The following CCDC178 variants were observed in gnomAD, a reference collection of about 807,000 sequenced individuals.
The protein encoded by CCDC178 is coiled-coil domain containing 178, also known as coiled-coil domain-containing protein 178.
CCDC178 carries 126 observed loss-of-function variants against 117.4 expected under a neutral mutation model. That is an observed-to-expected ratio of 1.07 (90% CI 0.93 to 1.24). The LOEUF (loss-of-function observed/expected upper bound fraction) is 1.24. Among genes scored for constraint, CCDC178 ranks in the 50% most tolerant of loss-of-function variants. The pLI is 0.00. For missense variants in CCDC178, 1,030 were observed against 986.9 expected (o/e 1.04, Z -0.59); for synonymous variants, 283 against 313.4 (o/e 0.90, Z 1.02).
intron 2 of CCDC178, among the ~76,000 whole-genome samples, chr18:33,433,556 C>T (rs964028653): frequency 6.6e-6 from 1 of 152,050 alleles, no homozygotes; most frequent in Non-Finnish European, 1.5e-5. Flanking sequence ...TTTACCAGAT[C>T]CCAGTAAGCC....
chr18:33,202,133 G>A (rs1377505826), intron 20 of CCDC178, among the ~76,000 whole-genome samples: 2 of 151,912 alleles, frequency 1.3e-5, no homozygotes, highest in Non-Finnish European at 2.9e-5. Context: ...GGTGGTTCAC[G>A]CCTGTAATCC....
In CCDC178 at chr18:33,240,916, C is replaced by T. The variant is rs145962884; in HGVS notation, c.1593+4329G>A. Among the ~76,000 whole-genome samples the T allele has an allele frequency of 2.9e-4, 44 of 151,612 alleles. No individual in the cohort carries two copies. The East Asian group carries it at 6.8e-3, about 23-fold the overall frequency. The stretch of plus-strand genomic sequence containing the variant: ...AAAACAAAAAATTAAAACTGCAGGC[C>T]AATATGTATGAAAATAGAGGCAATA... On this transcript the variant is annotated intron_variant, in intron 15 of 22. Transcript: ENST00000383096.
chr18:33,026,404 G>C (rs2056230033), intron 21 of CCDC178, among the ~76,000 whole-genome samples: 1 of 151,904 alleles, frequency 6.6e-6, no homozygotes, highest in Non-Finnish European at 1.5e-5. Context: ...CTCTTACATT[G>C]GCATGTGGAA....
At chr18:33,174,768 T>C (rs2058643868) in intron 20 of CCDC178, among the ~76,000 whole-genome samples, 1 of 152,176 alleles carries the variant, frequency 6.6e-6, no homozygotes, top group African/African-American at 2.4e-5. Flanking sequence ...CCTATCTTTA[T>C]TATATCCCAA....
At chr18:32,957,869 T>A (rs992174515) in intron 22 of CCDC178, 4 of 162,838 alleles carry the variant, frequency 2.5e-5, no homozygotes, top group African/African-American at 9.5e-5. Flanking sequence ...TTGGAGCAAG[T>A]CTTCAGGTCT....
At chr18:33,424,028 T>G (rs915932222) in intron 2 of CCDC178, among the ~76,000 whole-genome samples, 3 of 152,218 alleles carry the variant, frequency 2.0e-5, no homozygotes, top group African/African-American at 7.2e-5. Flanking sequence ...TTCTTTCATA[T>G]TCTCATGAAA....
rs1238073968 is a variant in CCDC178, at chr18:33,269,490, T to C, written c.1177-2193A>G. On this transcript the variant is annotated intron_variant, in intron 12 of 22. Coordinates refer to ENST00000383096, the MANE Select transcript of CCDC178 (RefSeq NM_001105528.4). The stretch of plus-strand genomic sequence containing the variant: ...CTATGAAAGCAGGAAACAACAACAA[T>C]AACAAAAACTACGGCAACGTTGGCA... Among the ~76,000 whole-genome samples, 4 of 151,800 alleles carry C rather than the reference T, an allele frequency of 2.6e-5. No individual in the cohort carries two copies. The South Asian group carries it at 8.3e-4, about 31-fold the overall frequency.
intron 22 of CCDC178, 32 bp from the exon 23 acceptor site, chr18:32,938,123 T>A (rs757706544): frequency 7.2e-7 from 1 of 1,398,524 alleles, no homozygotes; most frequent in Non-Finnish European, 1.0e-6. Flanking sequence ...ACAAAATCAA[T>A]AAGTACTCAT....
At chr18:33,126,926 A>C (rs755000499) in intron 20 of CCDC178, among the ~76,000 whole-genome samples, 30 of 151,164 alleles carry the variant, frequency 2.0e-4, no homozygotes, top group Non-Finnish European at 3.5e-4. Flanking sequence ...AAGTGCTAGA[A>C]TTATAGGCAT....
At chr18:33,299,557 T>C (rs1382782155) in intron 11 of CCDC178, among the ~76,000 whole-genome samples, 3 of 148,726 alleles carry the variant, frequency 2.0e-5, no homozygotes, top group Non-Finnish European at 4.5e-5. Context: ...GTTCAACACA[T>C]TGTCCTGGGA....
intron 20 of CCDC178, among the ~76,000 whole-genome samples, chr18:33,194,624 C>CT (rs762459974): frequency 3.3e-5 from 5 of 152,038 alleles, no homozygotes; most frequent in Admixed American, 6.6e-5. Context: ...CTTCCCATCA[C>CT]TTTTTTTATG....
intron 9 of CCDC178, among the ~76,000 whole-genome samples, chr18:33,336,399 T>C (rs576725870): frequency 6.6e-6 from 1 of 152,270 alleles, no homozygotes; most frequent in Admixed American, 6.5e-5. Flanking sequence ...CTAACACTGA[T>C]GTCTATTTAC....
In CCDC178 at chr18:33,064,647, A is replaced by C. The variant is rs1317657705; in HGVS notation, c.2388+28114T>G. Among the ~76,000 whole-genome samples, 4 of 152,302 alleles carry C rather than the reference A, an allele frequency of 2.6e-5. No individual in the cohort carries two copies. In the East Asian group the frequency reaches 7.7e-4, roughly 29 times the overall value. On this transcript the variant is annotated intron_variant, in intron 21 of 22. Transcript: ENST00000383096. ...TAAGTTAGGACAGCTGCTGTGAAAA[A>C]CTGCATGCATGGTACTCAAGAAATT...
At chr18:33,079,583 C>T (rs905182303) in intron 21 of CCDC178, among the ~76,000 whole-genome samples, 12 of 147,024 alleles carry the variant, frequency 8.2e-5, no homozygotes. Flanking sequence ...ATTTACAAGC[C>T]AAAAACAAAC....
At chr18:33,212,412 A>G (rs1226405313) in intron 19 of CCDC178, among the ~76,000 whole-genome samples, 2 of 152,004 alleles carry the variant, frequency 1.3e-5, no homozygotes, top group African/African-American at 2.4e-5. Flanking sequence ...TAGCTCGAGG[A>G]AATGAGTGAG....
intron 21 of CCDC178, among the ~76,000 whole-genome samples, chr18:32,999,012 G>A (rs2055575653): frequency 1.3e-5 from 2 of 152,096 alleles, no homozygotes; most frequent in Non-Finnish European, 2.9e-5. Flanking sequence ...CCACAGTAGA[G>A]TAGACAAGTA....
chr18:33,101,908 A>G (rs1336035115), intron 20 of CCDC178, among the ~76,000 whole-genome samples: 2 of 151,956 alleles, frequency 1.3e-5, no homozygotes, highest in Non-Finnish European at 2.9e-5. Flanking sequence ...GAAAATGGTT[A>G]ATTTTGAAAG....
chr18:33,154,183 T>A (rs547998684), intron 20 of CCDC178, among the ~76,000 whole-genome samples: 1 of 151,990 alleles, frequency 6.6e-6, no homozygotes, highest in Non-Finnish European at 1.5e-5. Flanking sequence ...TGACCAAAAG[T>A]AGGCAGAACC....
intron 22 of CCDC178, among the ~76,000 whole-genome samples, chr18:32,964,707 C>T (rs926524485): frequency 5.9e-5 from 9 of 151,888 alleles, no homozygotes; most frequent in African/African-American, 1.9e-4. Context: ...AAGTCAGCAA[C>T]CAACTTGTCA....
Sources: gnomAD v4.1 joint callset for allele counts (sites outside exome capture counted in the v4.1 genomes callset) on GRCh38, gnomAD v4.1.1 for gene constraint, MANE v1.5 for transcripts, NCBI Gene and HGNC (gene_info 2026-07-23, HGNC 2026-07-21) for gene names.